RNF182: variants seen among roughly 807,000 people sequenced by gnomAD.
RNF182 encodes ring finger protein 182, also known as E3 ubiquitin-protein ligase RNF182.
RNF182 carries 15 observed loss-of-function variants against 14.4 expected under a neutral mutation model. That is an observed-to-expected ratio of 1.04 (90% CI 0.70 to 1.60). The LOEUF (loss-of-function observed/expected upper bound fraction) is 1.60, where lower values mean the gene tolerates loss of function less well. Among genes scored for constraint, RNF182 ranks in the 40% most tolerant of loss-of-function variants. The pLI is 0.00. For missense variants in RNF182, 268 were observed against 294.8 expected (o/e 0.91, Z 0.67); for synonymous variants, 128 against 122.9 (o/e 1.04, Z -0.27).
intron 1 of RNF182, among the ~76,000 whole-genome samples, chr6:13,966,367 T>A (rs1040946361): frequency 6.6e-6 from 1 of 152,150 alleles, no homozygotes; most frequent in African/African-American, 2.4e-5. Context: ...AATGAGTTAA[T>A]ATATAACAGC....
At chr6:13,939,589 A>G (rs192483788) in intron 1 of RNF182, among the ~76,000 whole-genome samples, 62 of 151,556 alleles carry the variant, frequency 4.1e-4, no homozygotes, top group African/African-American at 1.3e-3. Flanking sequence ...TGTTGCCCAC[A>G]CTGGAGTGCA....
rs370491440 is a variant in RNF182 at position 13,961,898 on chromosome 6, C to T, written c.-366-12312C>T. On this transcript the variant is annotated intron_variant, in intron 1 of 2. Coordinates refer to ENST00000488300, the MANE Select transcript of RNF182 (RefSeq NM_152737.4). ...AATTCTTCTAGAGTCAGCTGATGGT[C>T]CTTCAAGAATGAGTACTTGGCATTT... Among the ~76,000 whole-genome samples the T allele has an allele frequency of 3.9e-5, 6 of 152,156 alleles. No homozygotes were observed. The South Asian group carries it at 1.0e-3, about 26-fold the overall frequency.
At chr6:13,938,737 A>AT (rs1170791393) in intron 1 of RNF182, among the ~76,000 whole-genome samples, 14 of 152,296 alleles carry the variant, frequency 9.2e-5, no homozygotes, top group African/African-American at 3.4e-4. Context: ...CATTCTTTTC[A>AT]TAAAAATAAG....
intron 1 of RNF182, among the ~76,000 whole-genome samples, chr6:13,967,136 C>T (rs769718518): frequency 1.3e-5 from 2 of 152,072 alleles, no homozygotes; most frequent in Non-Finnish European, 2.9e-5. Context: ...ACATCTCTGG[C>T]AGCTGTTTAT....
intron 1 of RNF182, among the ~76,000 whole-genome samples, chr6:13,930,570 A>G (rs992205715): frequency 3.9e-5 from 6 of 152,110 alleles, no homozygotes; most frequent in African/African-American, 1.4e-4. Flanking sequence ...GAAATAACAC[A>G]TGTTCTTACT....
intron 1 of RNF182, among the ~76,000 whole-genome samples, chr6:13,954,581 C>T (rs1414102481): frequency 6.6e-6 from 1 of 151,444 alleles, no homozygotes; most frequent in Non-Finnish European, 1.5e-5. Flanking sequence ...TTTTTTTTAG[C>T]TCTTTGGGTA....
chr6:13,965,843 C>G (rs1301881052), intron 1 of RNF182, among the ~76,000 whole-genome samples: 5 of 152,066 alleles, frequency 3.3e-5, no homozygotes, highest in Non-Finnish European at 7.3e-5. Context: ...AGACTAAAAC[C>G]GAGGGCTTAT....
chr6:13,925,706 G>T (rs1391645376), intron 1 of RNF182, among the ~76,000 whole-genome samples: 2 of 152,194 alleles, frequency 1.3e-5, no homozygotes, highest in Admixed American at 6.5e-5. Context: ...TTTCTAGAAG[G>T]TATTGTGTTC....
chr6:13,958,626 G>A (rs1759788212), intron 1 of RNF182, among the ~76,000 whole-genome samples: 1 of 152,106 alleles, frequency 6.6e-6, no homozygotes, highest in African/African-American at 2.4e-5. Context: ...AGAATGGTAA[G>A]CAACATATTA....
At chr6:13,971,463 C>T (rs753725695) in intron 1 of RNF182, among the ~76,000 whole-genome samples, 31 of 152,114 alleles carry the variant, frequency 2.0e-4, no homozygotes, top group African/African-American at 4.3e-4. Flanking sequence ...TCTTTATTAG[C>T]GTAAGAATCA....
rs747062269 is a variant in RNF182 at position 13,977,362 on chromosome 6, G to A, written c.243G>A (p.Leu81=). The change falls in exon 3 of 3, where the codon CTG becomes CTA. Residue 81 remains leucine, a synonymous_variant. Transcript: ENST00000488300. ...TGCCAGATGATGAAGTTAGTAGCCT[G>A]CCCGATGACAACAACATCCTTGTAA... The part of the protein sequence containing the change: ...TCLPDDEVSS[L]PDDNNILVNL... The A allele has an allele frequency of 1.9e-6, 3 of 1,614,164 alleles. No homozygotes were observed. The highest frequency in any genetic ancestry group is 2.5e-6 in the Non-Finnish European group (3 of 1,180,018).
Position 13,959,034 on chromosome 6 carries a change from A to G in RNF182, c.-366-15176A>G, listed in dbSNP as rs566921800. Among the ~76,000 whole-genome samples, 13 of 152,052 alleles carry G rather than the reference A, an allele frequency of 8.5e-5. 1 individual carries two copies. The highest frequency in any genetic ancestry group is 1.8e-4 in the Non-Finnish European group (12 of 68,014). On this transcript the variant is annotated intron_variant, in intron 1 of 2. Coordinates refer to ENST00000488300, the MANE Select transcript of RNF182 (RefSeq NM_152737.4). ...TCTCTGCAGATATCGGCTCCCTTTCATTTCTTCCCATGGATAGAAGCAGCC... is the reference window on the plus strand; with the variant it reads ...TCTCTGCAGATATCGGCTCCCTTTCGTTTCTTCCCATGGATAGAAGCAGCC...
Position 13,977,598 on chromosome 6 carries a change from C to CT in RNF182, c.480dup (p.Val161CysfsTer47), listed in dbSNP as rs1176993228. The CT allele has an allele frequency of 5.6e-6, 9 of 1,614,204 alleles. No individual in the cohort carries two copies. The highest frequency in any genetic ancestry group is 7.6e-6 in the Non-Finnish European group (9 of 1,180,040). On this transcript the variant is annotated frameshift_variant, in exon 3 of 3. Transcript: ENST00000488300. LOFTEE classifies it high-confidence loss of function. ...TTTTATAGGCCTGCGAGTTTCGACT[C>CT]TGTCACCACTGTGTCACACAACTGG... is the stretch of plus-strand genomic sequence containing the variant.
chr6:13,965,830 G>A (rs1187844645), intron 1 of RNF182, among the ~76,000 whole-genome samples: 2 of 152,166 alleles, frequency 1.3e-5, no homozygotes, highest in Admixed American at 6.5e-5. Flanking sequence ...CCATCTCTCT[G>A]ACAGACTAAA....
intron 1 of RNF182, among the ~76,000 whole-genome samples, chr6:13,957,813 C>A (rs1385579655): frequency 6.6e-6 from 1 of 152,000 alleles, no homozygotes; most frequent in Non-Finnish European, 1.5e-5. Flanking sequence ...AATTTAAAAG[C>A]CTTAAGGACA....
chr6:13,939,778 C>T (rs1051989816), intron 1 of RNF182, among the ~76,000 whole-genome samples: 8 of 152,092 alleles, frequency 5.3e-5, no homozygotes, highest in African/African-American at 1.7e-4. Context: ...CTCCTGACCT[C>T]GTGATCCACC....
At chr6:13,949,824 A>C (rs557893601) in intron 1 of RNF182, among the ~76,000 whole-genome samples, 1 of 152,360 alleles carries the variant, frequency 6.6e-6, no homozygotes, top group East Asian at 1.9e-4. Flanking sequence ...AAAACTTAAA[A>C]AAAATTTTGC....
At chr6:13,971,565 G>C (rs1299966920) in intron 1 of RNF182, among the ~76,000 whole-genome samples, 2 of 152,190 alleles carry the variant, frequency 1.3e-5, no homozygotes, top group Non-Finnish European at 2.9e-5. Context: ...AACAGACAGA[G>C]GTTGGAACAG....
At chr6:13,945,940 G>A (rs916116695) in intron 1 of RNF182, among the ~76,000 whole-genome samples, 1 of 152,090 alleles carries the variant, frequency 6.6e-6, no homozygotes, top group South Asian at 2.1e-4. Context: ...GGGAATAAAA[G>A]GGTGGCTATT....
Sources: allele counts gnomAD v4.1 joint callset (sites outside exome capture counted in the v4.1 genomes callset), GRCh38; gene constraint gnomAD v4.1.1; transcripts MANE v1.5; gene names NCBI Gene and HGNC (gene_info 2026-07-23, HGNC 2026-07-21).